Variants in ADAM23 observed in about 807,000 individuals in gnomAD.
ADAM23 encodes the protein disintegrin and metalloproteinase domain-containing protein 23.
ADAM23 carries 33 observed loss-of-function variants against 120.1 expected under a neutral mutation model. The observed-to-expected ratio is 0.27, with a 90% CI of 0.21 to 0.37. The LOEUF (loss-of-function observed/expected upper bound fraction) is 0.37, where lower values mean the gene tolerates loss of function less well. Among genes scored for constraint, ADAM23 ranks in the 10% least tolerant of loss-of-function variants. ADAM23 has a pLI of 1.00. For synonymous variants in ADAM23, 367 were observed against 375.2 expected (o/e 0.98, Z 0.25); for missense variants, 862 against 1,058.2 (o/e 0.81, Z 2.57).
chr2:206,580,634 G>T (rs966455321), intron 18 of ADAM23, among the ~76,000 whole-genome samples: 1 of 152,126 alleles, frequency 6.6e-6, no homozygotes, highest in Non-Finnish European at 1.5e-5. Context: ...TTTTGCTAAG[G>T]ATTTTAGCAT....
At chr2:206,444,123 G>T in intron 1 of ADAM23, 43 bp downstream of exon 1, 3 of 1,244,170 alleles carry the variant, frequency 2.4e-6, no homozygotes, top group Non-Finnish European at 3.0e-6. Context: ...TTCCCGCGGG[G>T]CCCTGCAGAG....
In ADAM23 at chr2:206,459,936, C is replaced by T. The variant is rs186357721; in HGVS notation, c.432+14412C>T. Among the ~76,000 whole-genome samples, 158 of 152,350 alleles carry T rather than the reference C, an allele frequency of 1.0e-3. 2 individuals carry two copies. In the East Asian group the frequency reaches 0.013, roughly 13 times the overall value. On this transcript the variant is annotated intron_variant, in intron 2 of 25. Coordinates refer to ENST00000264377, the MANE Select transcript of ADAM23 (RefSeq NM_003812.4). ...ACCTGGTCTAACCCACTATCTCTCA[C>T]ATGCACCATTAGAGTATCTTCTTCT...
At chr2:206,563,476 CAG>C (rs1229449713) in intron 13 of ADAM23, among the ~76,000 whole-genome samples, 1 of 152,150 alleles carries the variant, frequency 6.6e-6, no homozygotes, top group Non-Finnish European at 1.5e-5. Context: ...TTATCTTGCT[CAG>C]AGTGTTTGCT....
At chr2:206,493,361 A>G (rs993962066) in intron 3 of ADAM23, among the ~76,000 whole-genome samples, 1 of 152,154 alleles carries the variant, frequency 6.6e-6, no homozygotes, top group African/African-American at 2.4e-5. Context: ...AAAATAATCT[A>G]TACTGGCTTT....
chr2:206,603,314 G>A (rs780301317), intron 24 of ADAM23, among the ~76,000 whole-genome samples: 5 of 152,154 alleles, frequency 3.3e-5, no homozygotes, highest in Non-Finnish European at 7.4e-5. Flanking sequence ...ATGTCAAGGT[G>A]ATGCACAAGT....
chr2:206,531,265 G>T (rs1345334575), intron 4 of ADAM23, among the ~76,000 whole-genome samples: 1 of 152,172 alleles, frequency 6.6e-6, no homozygotes, highest in Non-Finnish European at 1.5e-5. Context: ...CATCGAATCT[G>T]GATTAGAAGA....
chr2:206,559,900 G>A (rs916626981), intron 10 of ADAM23, 55 bp from the exon 11 acceptor site: 7 of 1,503,222 alleles, frequency 4.7e-6, no homozygotes, highest in African/African-American at 2.7e-5. Flanking sequence ...CTCACTGATC[G>A]TGCATGTTTG....
At position 206,620,520 on chromosome 2, in the gene ADAM23, G is replaced by A. The variant is rs979371910; in HGVS notation, c.*2893G>A. Reference sequence around the variant, plus strand: ...CTGCCATTCATTTGCTAATTTTTGTGGCGTGGAGATTCTTTTTTATTAATT... The same window carrying A: ...CTGCCATTCATTTGCTAATTTTTGTAGCGTGGAGATTCTTTTTTATTAATT... On this transcript the variant is annotated 3_prime_UTR_variant, in exon 26 of 26. Transcript: ENST00000264377. 1.3e-5 allele frequency: 2 copies of A among 152,020 alleles called. No individual in the cohort carries two copies. Among genetic ancestry groups the A allele is most frequent in the African/African-American group, 4.8e-5 (2 of 41,384 alleles). The allele number at this position is 152,020 out of a possible 1,614,324, so 9.4% of individuals were successfully genotyped here. A position where few individuals can be genotyped will look rare whatever the true frequency, so the allele number is the denominator to read the frequency against.
rs181434642 is a variant in ADAM23 at position 206,574,710 on chromosome 2, G to A, written c.1737+1515G>A. Among the ~76,000 whole-genome samples, 21 of 152,236 alleles carry A rather than the reference G, an allele frequency of 1.4e-4. No homozygotes were observed. The East Asian group carries it at 3.5e-3, about 25-fold the overall frequency. On this transcript the variant is annotated intron_variant, in intron 18 of 25. Transcript: ENST00000264377. ...CCACCTTTCTTAATTCTCCATTGCC[G>A]TGTCTGTCCCACAGATGTAGCCCTG...
intron 3 of ADAM23, among the ~76,000 whole-genome samples, chr2:206,492,856 C>T (rs1339066398): frequency 6.6e-6 from 1 of 152,104 alleles, no homozygotes; most frequent in African/African-American, 2.4e-5. Flanking sequence ...CAGACGTTTT[C>T]AGTGATAAAG....
In ADAM23 at chr2:206,455,930, C is replaced by G. The variant is rs1574476709; in HGVS notation, c.432+10406C>G. Among the ~76,000 whole-genome samples the G allele has an allele frequency of 2.0e-5, 3 of 152,230 alleles. No individual in the cohort carries two copies. The South Asian group carries it at 6.2e-4, about 32-fold the overall frequency. ...GTCTGTATGAAGTTCCAGACTTTCC[C>G]ACATTTTCCTGTCTTCTTCTGAGCC... On this transcript the variant is annotated intron_variant, in intron 2 of 25. Coordinates refer to ENST00000264377, the MANE Select transcript of ADAM23 (RefSeq NM_003812.4).
intron 18 of ADAM23, among the ~76,000 whole-genome samples, chr2:206,574,228 G>T (rs1470129116): frequency 6.6e-6 from 1 of 152,092 alleles, no homozygotes; most frequent in African/African-American, 2.4e-5. Flanking sequence ...TCTGATCTTA[G>T]ATTTTTGGAT....
At position 206,602,004 on chromosome 2, in the gene ADAM23, G is replaced by A. The variant is rs141187900; in HGVS notation, c.2359+5842G>A. Reference sequence around the variant, plus strand: ...TATTTTCTGAGGTATTAACCTTGAGGAGTATTTAGTGTTTACATTTACCTT... The same window carrying A: ...TATTTTCTGAGGTATTAACCTTGAGAAGTATTTAGTGTTTACATTTACCTT... On this transcript the variant is annotated intron_variant, in intron 24 of 25. Coordinates refer to ENST00000264377, the MANE Select transcript of ADAM23 (RefSeq NM_003812.4). 3.6e-4 allele frequency among the ~76,000 whole-genome samples: 55 copies of A among 152,208 alleles called. No individual in the cohort carries two copies. In the East Asian group the frequency reaches 9.2e-3, roughly 26 times the overall value.
chr2:206,595,988 A>G, intron 23 of ADAM23, 63 bp from the exon 24 acceptor site: 1 of 1,321,088 alleles, frequency 7.6e-7, no homozygotes, highest in South Asian at 1.3e-5. Context: ...TCTCTTTTAC[A>G]TTTATCACTA....
In ADAM23 at chr2:206,600,134, A is replaced by G. The variant is rs527986143; in HGVS notation, c.2359+3972A>G. 4.1e-4 allele frequency among the ~76,000 whole-genome samples: 62 copies of G among 152,312 alleles called. 1 individual carries two copies. The South Asian group carries it at 7.1e-3, about 17-fold the overall frequency. On this transcript the variant is annotated intron_variant, in intron 24 of 25. Transcript: ENST00000264377. ...GGAGAATGGCGTGAACCTGGGAGGCAGAGCTTGCAGTGAGCTGAGATCGCG... is the reference window on the plus strand; with the variant it reads ...GGAGAATGGCGTGAACCTGGGAGGCGGAGCTTGCAGTGAGCTGAGATCGCG...
intron 24 of ADAM23, among the ~76,000 whole-genome samples, chr2:206,598,636 C>T (rs1041800293): frequency 3.8e-4 from 58 of 152,262 alleles, no homozygotes; most frequent in South Asian, 4.1e-4. Context: ...CAGTGGTTCG[C>T]GCCTGTAATC....
intron 16 of ADAM23, 35 bp from the exon 17 acceptor site, chr2:206,571,692 G>C (rs751140345): frequency 3.9e-6 from 6 of 1,519,370 alleles, no homozygotes; most frequent in Non-Finnish European, 5.5e-6. Flanking sequence ...AGCAGGTAAG[G>C]CTCTTCGCTT....
intron 3 of ADAM23, among the ~76,000 whole-genome samples, chr2:206,509,735 C>A (rs896164600): frequency 6.6e-6 from 1 of 152,214 alleles, no homozygotes; most frequent in African/African-American, 2.4e-5. Context: ...AGGTGTGAGC[C>A]ACTGCGCCCA....
chr2:206,592,098 C>T lies in ADAM23; in HGVS notation c.1959-519C>T, dbSNP rs569091058. Among the ~76,000 whole-genome samples, 4 of 152,234 alleles carry T rather than the reference C, an allele frequency of 2.6e-5. No individual in the cohort carries two copies. In the South Asian group the frequency reaches 8.3e-4, roughly 32 times the overall value. The stretch of plus-strand genomic sequence containing the variant: ...AATTTCTGCCCCTCCATCCTGTAAC[C>T]CTTAGCATGTTGATTTTTTGTCCTT... On this transcript the variant is annotated intron_variant, in intron 21 of 25. Transcript: ENST00000264377.
Sources: gnomAD v4.1 joint callset for allele counts (sites outside exome capture counted in the v4.1 genomes callset) on GRCh38, gnomAD v4.1.1 for gene constraint, MANE v1.5 for transcripts, NCBI Gene and HGNC (gene_info 2026-07-23, HGNC 2026-07-21) for gene names.